TRIO: variants seen among roughly 807,000 people sequenced by gnomAD.
The protein encoded by TRIO is trio Rho guanine nucleotide exchange factor.
Under a neutral mutation model 351.9 loss-of-function variants are expected in TRIO, and 58 were observed. That is an observed-to-expected ratio of 0.16 (90% CI 0.13 to 0.21). The LOEUF (loss-of-function observed/expected upper bound fraction) is 0.21. TRIO is among the 10% of genes least tolerant of loss of function. TRIO has a pLI of 1.00. For missense variants in TRIO, 3,201 were observed against 4,027.8 expected (o/e 0.79, Z 5.56); for synonymous variants, 1,758 against 1,595.7 (o/e 1.10, Z -2.42).
At chr5:14,433,282 T>G (rs1751325021) in intron 34 of TRIO, among the ~76,000 whole-genome samples, 1 of 152,234 alleles carries the variant, frequency 6.6e-6, no homozygotes, top group Non-Finnish European at 1.5e-5. Context: ...AAGGTGCTTT[T>G]GTGGATTGGC....
chr5:14,282,374 C>G (rs1736078878), intron 3 of TRIO, among the ~76,000 whole-genome samples: 1 of 152,018 alleles, frequency 6.6e-6, no homozygotes, highest in South Asian at 2.1e-4. Flanking sequence ...TGATACTTGT[C>G]ATATAGTTTA....
chr5:14,407,433 G>A (rs1748825334), intron 33 of TRIO, among the ~76,000 whole-genome samples: 1 of 152,232 alleles, frequency 6.6e-6, no homozygotes, highest in South Asian at 2.1e-4. Context: ...CTACCACACT[G>A]AAGGCCTGGG....
At chr5:14,192,266 T>C (rs953472295) in intron 1 of TRIO, among the ~76,000 whole-genome samples, 2 of 152,110 alleles carry the variant, frequency 1.3e-5, no homozygotes, top group East Asian at 1.9e-4. Context: ...TCTTCTTTTT[T>C]TTTTTCCCCC....
At chr5:14,494,835 GT>G (rs1286742115) in intron 49 of TRIO, among the ~76,000 whole-genome samples, 1 of 152,226 alleles carries the variant, frequency 6.6e-6, no homozygotes, top group Non-Finnish European at 1.5e-5. Context: ...GGAGGCGGAG[GT>G]TGCATAGAGC....
intron 27 of TRIO, among the ~76,000 whole-genome samples, chr5:14,391,983 TGC>T (rs1314111138): frequency 3.3e-5 from 5 of 152,256 alleles, no homozygotes; most frequent in Non-Finnish European, 5.9e-5. Flanking sequence ...TCTAGGTCTT[TGC>T]CATCAGACAA....
chr5:14,197,891 G>A (rs1307625649), intron 1 of TRIO, among the ~76,000 whole-genome samples: 2 of 152,168 alleles, frequency 1.3e-5, no homozygotes, highest in Admixed American at 6.5e-5. Flanking sequence ...CCTGCTTTTT[G>A]TTCTTAAGGG....
At chr5:14,202,207 A>G (rs1016037911) in intron 1 of TRIO, among the ~76,000 whole-genome samples, 6 of 151,508 alleles carry the variant, frequency 4.0e-5, no homozygotes, top group Admixed American at 6.6e-5. Context: ...ATTGCTAGGC[A>G]GTTCTAAGGA....
At chr5:14,183,973 C>T (rs1234535776) in intron 1 of TRIO, 2 of 697,580 alleles carry the variant, frequency 2.9e-6, no homozygotes, top group African/African-American at 3.5e-5. Context: ...AGGATGTGTC[C>T]CAGACTTTAA....
intron 55 of TRIO, among the ~76,000 whole-genome samples, chr5:14,505,920 C>T (rs1359225128): frequency 6.6e-6 from 1 of 152,240 alleles, no homozygotes; most frequent in Non-Finnish European, 1.5e-5. Context: ...GTCCACTGGC[C>T]TCGCCTGGCC....
At position 14,343,405 on chromosome 5, in the gene TRIO, T is replaced by A. The variant is rs184422523; in HGVS notation, c.2046+6678T>A. On this transcript the variant is annotated intron_variant, in intron 11 of 56. Coordinates refer to ENST00000344204, the MANE Select transcript of TRIO (RefSeq NM_007118.4). ...CCTGCACTGGCTTCCTTCAGTGATA[T>A]CTAACCCCTGCTCCATCTCTAACCC... 7.9e-4 allele frequency among the ~76,000 whole-genome samples: 121 copies of A among 152,372 alleles called. 1 individual carries two copies. The highest frequency in any genetic ancestry group is 2.7e-3 in the African/African-American group (114 of 41,574).
intron 9 of TRIO, among the ~76,000 whole-genome samples, chr5:14,323,760 A>C (rs1012751165): frequency 6.6e-6 from 1 of 152,260 alleles, no homozygotes; most frequent in Non-Finnish European, 1.5e-5. Context: ...TAGGAAAGAA[A>C]GTGTGAGCTA....
chr5:14,496,890 C>G lies in TRIO; in HGVS notation c.7892C>G (p.Ser2631Cys). 3 of 1,614,042 alleles carry G rather than the reference C, an allele frequency of 1.9e-6. No homozygotes were observed. Among genetic ancestry groups the G allele is most frequent in the South Asian group, 2.2e-5 (2 of 91,070 alleles). ...NPDGTLKKST[S>C]WHTALRLRKK... is the part of the protein sequence containing the mutation. ...TTCATTTCCCCTAGGAAGTCAACAT[C>G]TTGGCACACAGCACTCCGTTTAAGG... The change falls in exon 50 of 57, where the codon TCT (serine) becomes TGT (cysteine). Residue 2631 changes from serine to cysteine, a missense_variant. Around this residue, in one of 19 missense-constraint regions of TRIO, gnomAD observed 1,089 missense variants for 954.9 expected, o/e 1.14. Coordinates refer to ENST00000344204, the MANE Select transcript of TRIO (RefSeq NM_007118.4).
intron 1 of TRIO, among the ~76,000 whole-genome samples, chr5:14,206,394 T>G (rs1791458615): frequency 6.6e-6 from 1 of 152,202 alleles, no homozygotes; most frequent in Non-Finnish European, 1.5e-5. Context: ...GAAACGTCTT[T>G]TTAAAAAACT....
At chr5:14,476,987 A>G (rs763794199) in intron 41 of TRIO, 24 bp downstream of exon 41, 4 of 1,595,724 alleles carry the variant, frequency 2.5e-6, no homozygotes, top group Admixed American at 3.4e-5. Flanking sequence ...CATTGCTTAT[A>G]TCCTGTTCTG....
chr5:14,144,944 A>T (rs898143363), intron 1 of TRIO, among the ~76,000 whole-genome samples: 4 of 151,558 alleles, frequency 2.6e-5, no homozygotes, highest in Admixed American at 6.6e-5. Context: ...CGGCACCCAG[A>T]GCGCAGTCCT....
At chr5:14,490,447 G>C (rs1263132311) in intron 48 of TRIO, among the ~76,000 whole-genome samples, 1 of 152,258 alleles carries the variant, frequency 6.6e-6, no homozygotes, top group Non-Finnish European at 1.5e-5. Flanking sequence ...GCAAAGCTCT[G>C]CTGACAGCAG....
intron 7 of TRIO, 156 bp downstream of exon 7, chr5:14,297,419 T>G (rs1737458479): frequency 1.2e-6 from 1 of 855,996 alleles, no homozygotes; most frequent in Non-Finnish European, 1.7e-6. Flanking sequence ...ATTCCAGCTC[T>G]TTTAGTCCTT....
chr5:14,381,352 C>T, intron 21 of TRIO, 100 bp downstream of exon 21: 1 of 1,410,524 alleles, frequency 7.1e-7, no homozygotes, highest in East Asian at 2.4e-5. Context: ...AAAAGGATGA[C>T]CCAGTGGGCT....
intron 36 of TRIO, among the ~76,000 whole-genome samples, chr5:14,463,674 CTTT>C (rs758172986): frequency 7.3e-6 from 1 of 137,174 alleles, no homozygotes; most frequent in Non-Finnish European, 1.6e-5. Flanking sequence ...ACTGGTGATG[CTTT>C]TTTTTTTTTT....
Sources: gnomAD v4.1 joint callset for allele counts (sites outside exome capture counted in the v4.1 genomes callset) on GRCh38, gnomAD v4.1.1 for gene constraint, gnomAD v4.1.1 regional missense constraint, MANE v1.5 for transcripts, NCBI Gene and HGNC (gene_info 2026-07-23, HGNC 2026-07-21) for gene names.